HOMEZ: variants seen among roughly 807,000 people sequenced by gnomAD.
The protein encoded by HOMEZ is homeobox and leucine zipper protein Homez.
Under a neutral mutation model 50.1 loss-of-function variants are expected in HOMEZ, and 20 were observed. That is an observed-to-expected ratio of 0.40 (90% CI 0.28 to 0.58). HOMEZ has a LOEUF of 0.58. Among genes scored for constraint, HOMEZ ranks in the 20% least tolerant of loss-of-function variants. The pLI is 0.46. For missense variants in HOMEZ, 579 were observed against 680.5 expected (o/e 0.85, Z 1.66); for synonymous variants, 239 against 254.7 (o/e 0.94, Z 0.59).
chr14:23,280,779 T>TTTTATTTTATTTTATTTTATTTTA (rs1566451352), intron 1 of HOMEZ, among the ~76,000 whole-genome samples: 1 of 131,968 alleles, frequency 7.6e-6, no homozygotes, highest in African/African-American at 3.0e-5. Flanking sequence ...TTTTATTTTA[T>TTTTATTTTATTTTATTTTATTTTA]TTTATTTTAT....
In HOMEZ at chr14:23,285,890, C is replaced by T. The variant is rs1886652020; in HGVS notation, c.40+23G>A. ...CCGTACACGAGCTGGGAGGGGAAGT[C>T]CAAGGGGCTGGGGATCACTCACCGC... On this transcript the variant is annotated intron_variant, in intron 1 of 1. Transcript: ENST00000357460. The T allele has an allele frequency of 5.7e-6, 7 of 1,238,092 alleles. No individual in the cohort carries two copies. The South Asian group carries it at 2.9e-4, about 51-fold the overall frequency. 76.7% of individuals were successfully genotyped at this position (1,238,092 alleles called of 1,614,324 possible).
chr14:23,275,606 TCATCATCATCTTCC>T lies in HOMEZ; in HGVS notation c.1608_1621del (p.Glu537Ter). On this transcript the variant is annotated frameshift_variant, in exon 2 of 2. Coordinates refer to ENST00000357460, the MANE Select transcript of HOMEZ (RefSeq NM_020834.3). LOFTEE classifies it high-confidence loss of function. Reference sequence around the variant, plus strand: ...TTGTATGATCACATCATCATCATCATCATCATCATCTTCCTCCTCCTCCTCCTCCTCTTCCTCAT... The same window carrying T: ...TTGTATGATCACATCATCATCATCATTCCTCCTCCTCCTCCTCTTCCTCAT... 3.9e-6 allele frequency: 6 copies of T among 1,538,050 alleles called. No homozygotes were observed. Among genetic ancestry groups the T allele is most frequent in the Non-Finnish European group, 5.3e-6 (6 of 1,141,138 alleles).
chr14:23,272,615 T>C lies in HOMEZ; in HGVS notation c.*2960A>G, dbSNP rs1886190674. ...ATATTCATCCTTATTATTATCACCA[T>C]AAGCTACTGAAATGTTCCAGAGATT... On this transcript the variant is annotated 3_prime_UTR_variant, in exon 2 of 2. Coordinates refer to ENST00000357460, the MANE Select transcript of HOMEZ (RefSeq NM_020834.3). 2 of 586,826 alleles carry C rather than the reference T, an allele frequency of 3.4e-6. No individual in the cohort carries two copies. The highest frequency in any genetic ancestry group is 6.0e-6 in the Non-Finnish European group (2 of 331,034). The allele number at this position is 586,826 out of a possible 1,614,324, so 36.4% of individuals were successfully genotyped here.
intron 1 of HOMEZ, among the ~76,000 whole-genome samples, chr14:23,277,590 T>C (rs1886394235): frequency 6.6e-6 from 1 of 151,850 alleles, no homozygotes; most frequent in Non-Finnish European, 1.5e-5. Context: ...TACAAAAAAT[T>C]TAAAAATCAG....
intron 1 of HOMEZ, among the ~76,000 whole-genome samples, chr14:23,282,222 C>T (rs1359218081): frequency 1.3e-5 from 2 of 152,020 alleles, no homozygotes; most frequent in African/African-American, 4.8e-5. Flanking sequence ...TCTATTTTTG[C>T]AGAGCCCTAA....
At chr14:23,281,443 T>TA (rs1886554496) in intron 1 of HOMEZ, among the ~76,000 whole-genome samples, 1 of 152,154 alleles carries the variant, frequency 6.6e-6, no homozygotes, top group African/African-American at 2.4e-5. Flanking sequence ...TCAGGCAAGT[T>TA]ACTTAACTTA....
chr14:23,280,748 AT>A (rs1236829420), intron 1 of HOMEZ, among the ~76,000 whole-genome samples: 1 of 87,118 alleles, frequency 1.1e-5, no homozygotes, highest in Non-Finnish European at 2.3e-5. Flanking sequence ...TTATTATTTT[AT>A]TTTATTTTAT....
rs1374488025 is a variant in HOMEZ at position 23,276,774 on chromosome 14, C to A, written c.454G>T (p.Val152Leu). The change falls in exon 2 of 2, where the codon GTG (valine) becomes TTG (leucine). Residue 152 changes from valine (V) to leucine (L), a missense_variant. Coordinates refer to ENST00000357460, the MANE Select transcript of HOMEZ (RefSeq NM_020834.3). This position sits in a 1 kb window ranked among gnomAD's most constrained non-coding sequence, Gnocchi z 4.1. ...GGAGCTGGCACTGGAGGAGGAGGCACCTCCTCTGGGGGCCGTCCCGCATGA... is the reference window on the plus strand; with the variant it reads ...GGAGCTGGCACTGGAGGAGGAGGCAACTCCTCTGGGGGCCGTCCCGCATGA... ...THHAGRPPEE[V>L]PPPPVPAPEQ... 6.2e-7 allele frequency: 1 copy of A among 1,613,900 alleles called. No individual in the cohort carries two copies. The highest frequency in any genetic ancestry group is 8.5e-7 in the Non-Finnish European group (1 of 1,179,896).
Position 23,272,839 on chromosome 14 carries a change from G to A in HOMEZ, c.*2736C>T, listed in dbSNP as rs746300487. 5.3e-5 allele frequency: 82 copies of A among 1,548,560 alleles called. 2 individuals are homozygous for A. The African/African-American group carries it at 5.8e-4, about 11-fold the overall frequency. ...CTGCTGCAGACTCTCTACCAACAAC[G>A]GAGGCATATGGGATTACCCAGTGGG... On this transcript the variant is annotated 3_prime_UTR_variant, in exon 2 of 2. Transcript: ENST00000357460.
rs995531431 is a variant in HOMEZ, at chr14:23,276,521, C to T, written c.707G>A (p.Gly236Asp). 6.2e-7 allele frequency: 1 copy of T among 1,613,888 alleles called. No homozygotes were observed. The highest frequency in any genetic ancestry group is 1.3e-5 in the African/African-American group (1 of 74,928). The change falls in exon 2 of 2, where the codon GGT (glycine) becomes GAT (aspartate). Residue 236 changes from glycine to aspartate, a missense_variant. Gly to Asp is a moderately conservative substitution (Grantham distance 94). Coordinates refer to ENST00000357460, the MANE Select transcript of HOMEZ (RefSeq NM_020834.3). This position sits in a 1 kb window ranked among gnomAD's most constrained non-coding sequence, Gnocchi z 4.1. ...ACCTATGCCATGTGACTGGTTGGGA[C>T]CCCTGCCTGCCTGCTCCTTTGAGAG... is the stretch of plus-strand genomic sequence containing the variant. The part of the protein sequence containing the change: ...SGLSKEQAGR[G>D]PNQSHGIGTA...
At chr14:23,277,578 A>T (rs1886394007) in intron 1 of HOMEZ, among the ~76,000 whole-genome samples, 1 of 151,972 alleles carries the variant, frequency 6.6e-6, no homozygotes, top group African/African-American at 2.4e-5. Flanking sequence ...ACACAGTGAG[A>T]CTACAAAAAA....
chr14:23,282,789 A>G (rs964326618), intron 1 of HOMEZ, among the ~76,000 whole-genome samples: 10 of 152,200 alleles, frequency 6.6e-5, no homozygotes, highest in African/African-American at 2.4e-4. Flanking sequence ...CATCAGCTTG[A>G]TATTTCAGTG....
At chr14:23,280,104 G>T (rs935528652) in intron 1 of HOMEZ, among the ~76,000 whole-genome samples, 1 of 151,906 alleles carries the variant, frequency 6.6e-6, no homozygotes, top group Admixed American at 6.6e-5. Flanking sequence ...TTGGGGGAAG[G>T]CGACTGACAG....
At chr14:23,283,997 G>T (rs1566452467) in intron 1 of HOMEZ, among the ~76,000 whole-genome samples, 1 of 152,154 alleles carries the variant, frequency 6.6e-6, no homozygotes. Flanking sequence ...TGTGTTTGGG[G>T]ATACAGTTTT....
In HOMEZ at chr14:23,275,673, C is replaced by T. The variant is rs768656423; in HGVS notation, c.1555G>A (p.Glu519Lys). The part of the protein sequence containing the change: ...VVVCLDEEEE[E>K]EEEELPEDDE... The stretch of plus-strand genomic sequence containing the variant: ...TCTTCTGGCAGTTCTTCCTCCTCCT[C>T]TTCCTCTTCTTCATCTAGACAAACT... The change falls in exon 2 of 2, where the codon GAG (glutamate) becomes AAG (lysine). Residue 519 changes from glutamate (E) to lysine (K), a missense_variant. Coordinates refer to ENST00000357460, the MANE Select transcript of HOMEZ (RefSeq NM_020834.3). 6.3e-7 allele frequency: 1 copy of T among 1,582,612 alleles called. No homozygotes were observed. The highest frequency in any genetic ancestry group is 2.3e-5 in the East Asian group (1 of 43,448).
rs375408085 is a variant in HOMEZ, at chr14:23,276,913, G to A, written c.315C>T (p.Ala105=). Residue 105 remains alanine, a synonymous_variant, in exon 2 of 2, where the codon GCC becomes GCT. Transcript: ENST00000357460. This position sits in a 1 kb window ranked among gnomAD's most constrained non-coding sequence, Gnocchi z 4.1. ...AGCTAATACCACAGCGGAGGCGCTG[G>A]GCCATAAACCAAGTCTTGACTTTCT... The part of the protein sequence containing the change: ...QMEKVKTWFM[A]QRLRCGISWS... 1.3e-4 allele frequency: 210 copies of A among 1,613,916 alleles called. No homozygotes were observed. Among genetic ancestry groups the A allele is most frequent in the Non-Finnish European group, 1.7e-4 (203 of 1,179,902 alleles).
intron 1 of HOMEZ, among the ~76,000 whole-genome samples, chr14:23,277,990 G>A (rs1171967312): frequency 2.6e-5 from 4 of 151,644 alleles, no homozygotes; most frequent in South Asian, 2.1e-4. Flanking sequence ...CACCACGCCC[G>A]GCTACTTTTT....
Position 23,276,634 on chromosome 14 carries a change from G to C in HOMEZ, c.594C>G (p.His198Gln). 1 of 1,613,966 alleles carries C rather than the reference G, an allele frequency of 6.2e-7. No individual in the cohort carries two copies. The highest frequency in any genetic ancestry group is 8.5e-7 in the Non-Finnish European group (1 of 1,179,874). The change falls in exon 2 of 2, where the codon CAC becomes CAG. Residue 198 changes from histidine to glutamine, a missense_variant. His to Gln is a conservative substitution (Grantham distance 24). Coordinates refer to ENST00000357460, the MANE Select transcript of HOMEZ (RefSeq NM_020834.3). The surrounding 1 kb of genome is among the most constrained non-coding windows in gnomAD (Gnocchi z 4.1). ...PSQMPPLPQS[H>Q]QKLKESLMTP... is the part of the protein sequence containing the mutation. ...TCATCAGGGACTCCTTTAATTTCTG[G>C]TGACTCTGTGGCAGTGGTGGCATCT...
intron 1 of HOMEZ, among the ~76,000 whole-genome samples, chr14:23,283,239 T>C (rs1299529987): frequency 1.7e-4 from 26 of 152,174 alleles, no homozygotes; most frequent in Non-Finnish European, 1.5e-5. Context: ...TAAAAATCAC[T>C]AATAAAAATA....
Sources: allele counts gnomAD v4.1 joint callset (sites outside exome capture counted in the v4.1 genomes callset), GRCh38; gene constraint gnomAD v4.1.1; non-coding constraint Gnocchi (gnomAD v3.1); transcripts MANE v1.5; gene names NCBI Gene and HGNC (gene_info 2026-07-23, HGNC 2026-07-21).